The following GFM2 variants were observed in gnomAD, a reference collection of about 807,000 sequenced individuals.
GFM2 encodes GTP dependent ribosome recycling factor mitochondrial 2.
In GFM2, 72 loss-of-function variants were observed where a neutral mutation model predicts 95.4. The observed-to-expected ratio is 0.76, with a 90% CI of 0.62 to 0.92. The LOEUF (loss-of-function observed/expected upper bound fraction) is 0.92, where lower values mean the gene tolerates loss of function less well. Among genes scored for constraint, GFM2 ranks in the 40% least tolerant of loss-of-function variants. The pLI, the probability that GFM2 is intolerant of heterozygous loss-of-function variation, is 0.00. For synonymous variants in GFM2, 276 were observed against 317.5 expected (o/e 0.87, Z 1.39); for missense variants, 825 against 924.1 (o/e 0.89, Z 1.39).
chr5:74,745,645 T>C (rs766706040), intron 10 of GFM2, 33 bp downstream of exon 10: 14 of 1,528,834 alleles, frequency 9.2e-6, no homozygotes, highest in African/African-American at 5.5e-5. Context: ...GGTGCACACA[T>C]TGGTGTTCAT....
At position 74,741,613 on chromosome 5, in the gene GFM2, TAAAG is replaced by T. The variant is rs1353517182; in HGVS notation, c.850-8_850-5del. The T allele has an allele frequency of 5.9e-6, 9 of 1,532,200 alleles. No individual in the cohort carries two copies. Among genetic ancestry groups the T allele is most frequent in the Admixed American group, 5.2e-5 (3 of 57,300 alleles). 94.9% of individuals were successfully genotyped at this position (1,532,200 alleles called of 1,614,324 possible). A position where few individuals can be genotyped will look rare whatever the true frequency, so the allele number is the denominator to read the frequency against. On this transcript the variant is annotated splice_polypyrimidine_tract_variant and splice_region_variant and intron_variant, in intron 10 of 20. Transcript: ENST00000296805. ...ATTCATCATCCAAATCTGCAACCTATAAAGAAAGGTTTTAGAGTTCTATAACTTG... is the reference window on the plus strand; with the variant it reads ...ATTCATCATCCAAATCTGCAACCTATAAAGGTTTTAGAGTTCTATAACTTG...
intron 2 of GFM2, among the ~76,000 whole-genome samples, chr5:74,761,593 T>G (rs887779718): frequency 1.3e-5 from 2 of 151,910 alleles, no homozygotes; most frequent in African/African-American, 4.8e-5. Flanking sequence ...GGAGAGAAAA[T>G]GAGAACTGGA....
chr5:74,721,839 T>G, intron 20 of GFM2, 56 bp from the exon 21 acceptor site: 3 of 1,499,274 alleles, frequency 2.0e-6, no homozygotes, highest in Non-Finnish European at 2.7e-6. Context: ...CAAGTTTCTC[T>G]TCCTGCTGAT....
At chr5:74,733,820 G>C (rs1742695047) in intron 15 of GFM2, among the ~76,000 whole-genome samples, 1 of 152,066 alleles carries the variant, frequency 6.6e-6, no homozygotes, top group East Asian at 1.9e-4. Flanking sequence ...GCCAAAAGGA[G>C]GCTAAAATTA....
intron 5 of GFM2, among the ~76,000 whole-genome samples, chr5:74,757,008 A>T (rs1744021407): frequency 6.6e-6 from 1 of 152,106 alleles, no homozygotes; most frequent in Non-Finnish European, 1.5e-5. Flanking sequence ...AATCTCAGAA[A>T]CCACCCCTAA....
chr5:74,721,913 CCAAA>C, intron 20 of GFM2, 130 bp from the exon 21 acceptor site: 1 of 774,728 alleles, frequency 1.3e-6, no homozygotes, highest in Non-Finnish European at 2.0e-6. Flanking sequence ...ATCACTTCCT[CCAAA>C]CAGATGATTT....
chr5:74,753,255 T>C (rs901726558), intron 5 of GFM2, among the ~76,000 whole-genome samples: 1 of 151,976 alleles, frequency 6.6e-6, no homozygotes, highest in South Asian at 2.1e-4. Flanking sequence ...CTTAGACAAA[T>C]GCAAAATACA....
chr5:74,724,721 G>A (rs1382178695), intron 19 of GFM2, among the ~76,000 whole-genome samples: 4 of 151,882 alleles, frequency 2.6e-5, no homozygotes, highest in Admixed American at 6.6e-5. Context: ...TTGTAATTTC[G>A]GATTCAAATA....
At chr5:74,747,650 G>A (rs1743452572) in intron 8 of GFM2, 42 bp downstream of exon 8, 1 of 1,147,746 alleles carries the variant, frequency 8.7e-7, no homozygotes, top group Admixed American at 1.9e-5. Flanking sequence ...AGCTCAAATT[G>A]TAGTTTCACC....
chr5:74,757,969 T>C (rs1744085480), intron 5 of GFM2, among the ~76,000 whole-genome samples: 1 of 152,100 alleles, frequency 6.6e-6, no homozygotes. Flanking sequence ...TTAATGGGTA[T>C]AGAATTTCAA....
At chr5:74,751,251 T>G in intron 6 of GFM2, 117 bp downstream of exon 6, 1 of 914,478 alleles carries the variant, frequency 1.1e-6, no homozygotes, top group Non-Finnish European at 1.7e-6. Flanking sequence ...ATGGTTGAGA[T>G]GGTAAATTTT....
At position 74,760,959 on chromosome 5, in the gene GFM2, T is replaced by C. The variant is rs1176256467; in HGVS notation, c.91A>G (p.Ser31Gly). Reference protein sequence around the residue: ...NNICCYKIRASLKRLKPHVPL... With the variant: ...NNICCYKIRAGLKRLKPHVPL... Reference sequence around the variant, plus strand: ...ACATGTGGCTTTAATCTTTTTAAACTTGCTCTTATTTTATAGCAGCATATA... The same window carrying C: ...ACATGTGGCTTTAATCTTTTTAAACCTGCTCTTATTTTATAGCAGCATATA... Residue 31 changes from serine (S) to glycine (G), a missense_variant, in exon 3 of 21, where the codon AGT becomes GGT. Ser to Gly is a moderately conservative substitution (Grantham distance 56). Transcript: ENST00000296805. The C allele has an allele frequency of 1.9e-6, 3 of 1,608,026 alleles. No homozygotes were observed. Among genetic ancestry groups the C allele is most frequent in the Non-Finnish European group, 1.7e-6 (2 of 1,175,212 alleles).
At chr5:74,740,998 C>T (rs1467541399) in intron 11 of GFM2, among the ~76,000 whole-genome samples, 7 of 152,100 alleles carry the variant, frequency 4.6e-5, no homozygotes, top group African/African-American at 1.7e-4. Flanking sequence ...CCTGGCAGAA[C>T]AAAACAGAGT....
chr5:74,721,859 A>C, intron 20 of GFM2, 76 bp from the exon 21 acceptor site: 1 of 1,393,418 alleles, frequency 7.2e-7, no homozygotes, highest in Non-Finnish European at 9.8e-7. Context: ...TTATCTTTTG[A>C]CTATTAGGGA....
intron 10 of GFM2, among the ~76,000 whole-genome samples, chr5:74,744,839 A>G (rs1236082469): frequency 1.3e-5 from 2 of 152,240 alleles, no homozygotes; most frequent in Non-Finnish European, 2.9e-5. Flanking sequence ...CATCCACAGG[A>G]GAATACCCAA....
intron 16 of GFM2, among the ~76,000 whole-genome samples, chr5:74,731,654 T>C (rs1742565821): frequency 6.6e-6 from 1 of 152,218 alleles, no homozygotes. Flanking sequence ...ACTGCTATAC[T>C]TTAAGTTAAA....
intron 3 of GFM2, 116 bp downstream of exon 3, chr5:74,760,786 G>A (rs1744240603): frequency 1.4e-6 from 1 of 712,962 alleles, no homozygotes. Context: ...CAAGGAAATA[G>A]CCAAGAAGTA....
chr5:74,764,346 G>A (rs918467958), intron 1 of GFM2, among the ~76,000 whole-genome samples: 1 of 152,178 alleles, frequency 6.6e-6, no homozygotes, highest in East Asian at 1.9e-4. Flanking sequence ...ATATAAGGAC[G>A]CAGCTGAGAC....
chr5:74,731,136 G>A (rs1742541552), intron 16 of GFM2, among the ~76,000 whole-genome samples: 1 of 152,168 alleles, frequency 6.6e-6, no homozygotes, highest in Admixed American at 6.5e-5. Context: ...TAACGAAAAT[G>A]TAGGCAACTG....
Sources: allele counts gnomAD v4.1 joint callset (sites outside exome capture counted in the v4.1 genomes callset), GRCh38; gene constraint gnomAD v4.1.1; transcripts MANE v1.5; gene names NCBI Gene and HGNC (gene_info 2026-07-23, HGNC 2026-07-21).